MECOM: variants seen among roughly 807,000 people sequenced by gnomAD.
MECOM encodes histone-lysine N-methyltransferase MECOM.
In MECOM, 13 loss-of-function variants were observed where a neutral mutation model predicts 116.3. The ratio of observed to expected loss-of-function variants is 0.11; its 90% CI spans 0.07 to 0.18. The LOEUF (loss-of-function observed/expected upper bound fraction) is 0.18, where lower values mean the gene tolerates loss of function less well. Ranked by LOEUF, MECOM falls within the 10% of genes least tolerant of loss-of-function variation. MECOM has a pLI of 1.00. For missense variants in MECOM, 1,299 were observed against 1,509.0 expected (o/e 0.86, Z 2.31); for synonymous variants, 528 against 535.2 (o/e 0.99, Z 0.19).
chr3:169,165,561 G>T (rs541462629), intron 2 of MECOM, among the ~76,000 whole-genome samples: 18 of 152,160 alleles, frequency 1.2e-4, no homozygotes, highest in Middle Eastern at 3.4e-3. Context: ...TGTCCCCCTG[G>T]CTTTTTTGAA....
chr3:169,314,312 A>G (rs73036617), intron 2 of MECOM, among the ~76,000 whole-genome samples: 8,597 of 152,284 alleles, frequency 0.056, 665 homozygotes, highest in African/African-American at 0.17. Context: ...ACTTCTTTAT[A>G]GATGAACAAA....
chr3:169,171,440 G>A (rs1744385809), intron 2 of MECOM, among the ~76,000 whole-genome samples: 1 of 151,890 alleles, frequency 6.6e-6, no homozygotes, highest in South Asian at 2.1e-4. Context: ...GTACATAGTA[G>A]GTATCCAATA....
At chr3:169,334,615 G>C (rs1723301373) in intron 2 of MECOM, among the ~76,000 whole-genome samples, 1 of 152,092 alleles carries the variant, frequency 6.6e-6, no homozygotes. Flanking sequence ...GGTCAGAGAG[G>C]ATGCTGATCC....
At chr3:169,472,670 A>AAAGAAAAGAGAGGAG (rs1749722467) in intron 1 of MECOM, among the ~76,000 whole-genome samples, 1 of 67,584 alleles carries the variant, frequency 1.5e-5, no homozygotes, top group African/African-American at 5.8e-5. Context: ...AAGGAAAGGA[A>AAAGAAAAGAGAGGAG]AGGAGAGGAG....
chr3:169,410,647 G>C (rs1037067587), intron 1 of MECOM, among the ~76,000 whole-genome samples: 4 of 152,116 alleles, frequency 2.6e-5, no homozygotes, highest in African/African-American at 9.7e-5. Context: ...CATTTACAAA[G>C]TTAAGTGAGT....
intron 1 of MECOM, among the ~76,000 whole-genome samples, chr3:169,598,997 A>T (rs1767492483): frequency 6.6e-6 from 1 of 152,234 alleles, no homozygotes; most frequent in South Asian, 2.1e-4. Context: ...ATGTAGCTTT[A>T]GAAACAAACT....
At chr3:169,315,446 T>A (rs1719566458) in intron 2 of MECOM, among the ~76,000 whole-genome samples, 1 of 152,188 alleles carries the variant, frequency 6.6e-6, no homozygotes, top group South Asian at 2.1e-4. Flanking sequence ...TTTCTAGAGA[T>A]GTTTGGCCTC....
chr3:169,559,821 C>G (rs1182768204), intron 1 of MECOM, among the ~76,000 whole-genome samples: 1 of 152,178 alleles, frequency 6.6e-6, no homozygotes, highest in African/African-American at 2.4e-5. Context: ...CTGGAAACCA[C>G]ACCACCACTT....
chr3:169,090,324 GT>G, intron 14 of MECOM, 88 bp from the exon 15 acceptor site: 2 of 1,213,968 alleles, frequency 1.6e-6, no homozygotes, highest in South Asian at 1.5e-5. Flanking sequence ...CCCAACAACA[GT>G]TTAGATTTTC....
chr3:169,461,462 C>T (rs1397009060), intron 1 of MECOM, among the ~76,000 whole-genome samples: 1 of 152,088 alleles, frequency 6.6e-6, no homozygotes, highest in Non-Finnish European at 1.5e-5. Flanking sequence ...TGTGCCTCCG[C>T]TTATACAGAA....
intron 1 of MECOM, among the ~76,000 whole-genome samples, chr3:169,449,359 A>G (rs1238030773): frequency 1.3e-5 from 2 of 152,204 alleles, no homozygotes; most frequent in Non-Finnish European, 2.9e-5. Context: ...ACTGACTGCC[A>G]AGCCCCTCAC....
intron 2 of MECOM, among the ~76,000 whole-genome samples, chr3:169,374,271 C>A (rs182868568): frequency 6.5e-4 from 99 of 151,954 alleles, no homozygotes; most frequent in African/African-American, 2.3e-3. Context: ...GAAACCAAAG[C>A]AGCTGGAATT....
chr3:169,202,819 C>CAAAAAAAAAAA, intron 2 of MECOM, among the ~76,000 whole-genome samples: 1 of 90,282 alleles, frequency 1.1e-5, no homozygotes, highest in Non-Finnish European at 2.3e-5. Context: ...TTGCCATTAG[C>CAAAAAAAAAAA]AAAAAAAAAA....
chr3:169,281,612 G>A lies in MECOM; in HGVS notation c.375+99575C>T, dbSNP rs185901446. ...GATAGCTTGAGCTCAAGAGTTCAAAGCCAACCTGGGCAACATGGCAAAACC... is the reference window on the plus strand; with the variant it reads ...GATAGCTTGAGCTCAAGAGTTCAAAACCAACCTGGGCAACATGGCAAAACC... On this transcript the variant is annotated intron_variant, in intron 2 of 16. Transcript: ENST00000651503. Among the ~76,000 whole-genome samples, 204 of 152,194 alleles carry A rather than the reference G, an allele frequency of 1.3e-3. 2 individuals are homozygous for A. Among genetic ancestry groups the A allele is most frequent in the African/African-American group, 4.6e-3 (189 of 41,534 alleles).
chr3:169,454,439 G>A (rs1024873596), intron 1 of MECOM, among the ~76,000 whole-genome samples: 3 of 146,112 alleles, frequency 2.1e-5, no homozygotes, highest in Non-Finnish European at 4.5e-5. Context: ...TACAAATGCC[G>A]TAAGTATTCA....
At chr3:169,198,951 T>C (rs1270505019) in intron 2 of MECOM, among the ~76,000 whole-genome samples, 1 of 150,222 alleles carries the variant, frequency 6.7e-6, no homozygotes, top group Non-Finnish European at 1.5e-5. Flanking sequence ...AGAATAAGAG[T>C]TTTTTAGATG....
chr3:169,472,957 C>A (rs1417222787), intron 1 of MECOM: 2 of 983,486 alleles, frequency 2.0e-6, no homozygotes, highest in East Asian at 2.3e-4. Flanking sequence ...TTGTCCCTAC[C>A]TGGTAGTTAT....
At chr3:169,311,245 G>A (rs1352489643) in intron 2 of MECOM, among the ~76,000 whole-genome samples, 3 of 151,978 alleles carry the variant, frequency 2.0e-5, no homozygotes, top group African/African-American at 7.3e-5. Flanking sequence ...TATTTATCAG[G>A]AAAATGAATA....
At chr3:169,315,727 C>T (rs375714670) in intron 2 of MECOM, among the ~76,000 whole-genome samples, 3 of 152,208 alleles carry the variant, frequency 2.0e-5, no homozygotes, top group East Asian at 1.9e-4. Context: ...TTTGCAATTC[C>T]TGTATTCCTT....
Sources: gnomAD v4.1 joint callset for allele counts (sites outside exome capture counted in the v4.1 genomes callset) on GRCh38, gnomAD v4.1.1 for gene constraint, MANE v1.5 for transcripts, NCBI Gene and HGNC (gene_info 2026-07-23, HGNC 2026-07-21) for gene names.